The following EML5 variants were observed in gnomAD, a reference collection of about 807,000 sequenced individuals.
EML5 encodes EMAP like 5.
Under a neutral mutation model 250.0 loss-of-function variants are expected in EML5, and 120 were observed. The observed-to-expected ratio is 0.48, with a 90% confidence interval of 0.41 to 0.56. The LOEUF is 0.56. Ranked by LOEUF, EML5 falls within the 20% of genes least tolerant of loss-of-function variation. EML5 has a pLI of 0.00. For synonymous variants in EML5, 771 were observed against 806.5 expected (o/e 0.96, Z 0.75); for missense variants, 2,006 against 2,437.6 (o/e 0.82, Z 3.73).
At position 88,685,026 on chromosome 14, in the gene EML5, G is replaced by T. The variant is rs770853435; in HGVS notation, c.2971C>A (p.Leu991Ile). ...GCATTTAAAATTACCTGAACCAGAA[G>T]TGTTATTGGGCCACTTTTATCCACT... ...LEVDKSGPIT[L>I]LVQGHMEGEV... Residue 991 changes from leucine (L) to isoleucine (I), a missense_variant, in exon 20 of 44, where the codon CTT becomes ATT. By Grantham distance (5) the Leu-to-Ile change is conservative. Coordinates refer to ENST00000554922, the MANE Select transcript of EML5 (RefSeq NM_183387.3). 6 of 1,601,874 alleles carry T rather than the reference G, an allele frequency of 3.7e-6. No individual in the cohort carries two copies. The highest frequency in any genetic ancestry group is 5.1e-6 in the Non-Finnish European group (6 of 1,174,718).
At chr14:88,678,885 A>G (rs907312936) in intron 21 of EML5, among the ~76,000 whole-genome samples, 1 of 152,174 alleles carries the variant, frequency 6.6e-6, no homozygotes, top group African/African-American at 2.4e-5. Context: ...AAAACAACAG[A>G]AACCCATTCT....
rs558420382 is a variant in EML5, at chr14:88,660,097, G to A, written c.3675+1557C>T. On this transcript the variant is annotated intron_variant, in intron 25 of 43. Coordinates refer to ENST00000554922, the MANE Select transcript of EML5 (RefSeq NM_183387.3). ...TTGAGACCAGCATAGGCAACATCTG[G>A]AGACCCCATCTCTACAAAAAAAAAT... Among the ~76,000 whole-genome samples, 394 of 151,714 alleles carry A rather than the reference G, an allele frequency of 2.6e-3. 1 individual carries two copies. The highest frequency in any genetic ancestry group is 4.3e-3 in the Non-Finnish European group (290 of 67,894).
chr14:88,649,995 T>C, intron 27 of EML5, 69 bp from the exon 28 acceptor site: 2 of 1,162,212 alleles, frequency 1.7e-6, no homozygotes, highest in South Asian at 4.5e-5. Context: ...GAATACAGCA[T>C]TTTAGCAAAC....
intron 27 of EML5, among the ~76,000 whole-genome samples, chr14:88,650,987 T>A (rs2140805000): frequency 6.6e-6 from 1 of 152,226 alleles, no homozygotes; most frequent in African/African-American, 2.4e-5. Flanking sequence ...GACAGTAATA[T>A]ATGTTACTAA....
At chr14:88,711,353 A>C (rs2093403423) in intron 10 of EML5, among the ~76,000 whole-genome samples, 1 of 147,984 alleles carries the variant, frequency 6.8e-6, no homozygotes, top group African/African-American at 2.6e-5. Context: ...TTCTCACGAG[A>C]TCTGATGGTT....
chr14:88,674,205 G>A (rs1169831585), intron 21 of EML5, among the ~76,000 whole-genome samples: 1 of 152,170 alleles, frequency 6.6e-6, no homozygotes, highest in Admixed American at 6.5e-5. Flanking sequence ...GGAGGTGGAG[G>A]TTGCAGTGAG....
In EML5 at chr14:88,661,680, C is replaced by A. The variant is rs778034101; in HGVS notation, c.3649G>T (p.Val1217Leu). ...VLATGDDLGF[V>L]KLFRYPTKGK... is the part of the protein sequence containing the mutation. ...TTAGTAGGATATCTAAATAACTTCA[C>A]AAATCCCAAATCGTCCCCGGTAGCT... Residue 1217 changes from valine to leucine, a missense_variant, in exon 25 of 44, where the codon GTG (valine) becomes TTG (leucine). By Grantham distance (32) the Val-to-Leu change is conservative. Coordinates refer to ENST00000554922, the MANE Select transcript of EML5 (RefSeq NM_183387.3). The A allele has an allele frequency of 2.5e-6, 4 of 1,612,916 alleles. No homozygotes were observed. Among genetic ancestry groups the A allele is most frequent in the Non-Finnish European group, 3.4e-6 (4 of 1,179,562 alleles).
Position 88,644,419 on chromosome 14 carries a change from T to C in EML5, c.4107+14A>G, listed in dbSNP as rs140304494. 5.7e-4 allele frequency: 917 copies of C among 1,610,972 alleles called. 5 individuals carry two copies. The African/African-American group carries it at 0.011, about 19-fold the overall frequency. On this transcript the variant is annotated intron_variant, in intron 30 of 43. Transcript: ENST00000554922. ...GATACATTTCAGTAACACTGGAGAG[T>C]GAGTTTTCCTTACCTCTATAGGTCT...
chr14:88,736,898 G>C (rs1391593422), intron 6 of EML5, among the ~76,000 whole-genome samples: 1 of 151,736 alleles, frequency 6.6e-6, no homozygotes, highest in Non-Finnish European at 1.5e-5. Flanking sequence ...AAACCCATCA[G>C]CATGCAATCC....
chr14:88,650,415 C>A (rs2140794450), intron 27 of EML5, among the ~76,000 whole-genome samples: 1 of 152,278 alleles, frequency 6.6e-6, no homozygotes, highest in African/African-American at 2.4e-5. Context: ...AATCGTGCCA[C>A]TGCACTCCAG....
chr14:88,679,667 G>C (rs2092676285), intron 21 of EML5, among the ~76,000 whole-genome samples: 1 of 152,032 alleles, frequency 6.6e-6, no homozygotes, highest in Non-Finnish European at 1.5e-5. Flanking sequence ...ACTCCAGCCT[G>C]GGTGATAGAG....
At chr14:88,723,859 T>C (rs1242651535) in intron 8 of EML5, among the ~76,000 whole-genome samples, 3 of 152,164 alleles carry the variant, frequency 2.0e-5, no homozygotes, top group Non-Finnish European at 2.9e-5. Context: ...AAGAAGATAT[T>C]GTGGCTTTAC....
At chr14:88,732,816 CTCTG>C (rs1221944296) in intron 7 of EML5, among the ~76,000 whole-genome samples, 1 of 152,242 alleles carries the variant, frequency 6.6e-6, no homozygotes, top group African/African-American at 2.4e-5. Flanking sequence ...AAGAATTGAT[CTCTG>C]TCTTTCTTTT....
At chr14:88,729,452 A>C (rs1400205164) in intron 7 of EML5, among the ~76,000 whole-genome samples, 2 of 152,314 alleles carry the variant, frequency 1.3e-5, no homozygotes, top group African/African-American at 4.8e-5. Context: ...TAAATGGTTG[A>C]AAAAAATGTT....
chr14:88,650,860 C>T (rs956207377), intron 27 of EML5, among the ~76,000 whole-genome samples: 1 of 152,040 alleles, frequency 6.6e-6, no homozygotes, highest in African/African-American at 2.4e-5. Flanking sequence ...CAGGCTGGTG[C>T]TAAACACCTA....
chr14:88,654,960 T>A, intron 27 of EML5, among the ~76,000 whole-genome samples: 1 of 152,152 alleles, frequency 6.6e-6, no homozygotes, highest in East Asian at 1.9e-4. Context: ...TGGGTGCTCC[T>A]GTATTGGGTG....
At chr14:88,791,470 T>A (rs988889124) in intron 1 of EML5, among the ~76,000 whole-genome samples, 15 of 152,202 alleles carry the variant, frequency 9.9e-5, no homozygotes, top group Non-Finnish European at 1.9e-4. Context: ...GACTTTACCA[T>A]AAAAGTTGTA....
intron 42 of EML5, chr14:88,616,451 T>C: frequency 3.3e-6 from 2 of 612,188 alleles, no homozygotes; most frequent in Non-Finnish European, 5.6e-6. Context: ...ACTCTGACCA[T>C]TTTTCTCTAA....
intron 1 of EML5, among the ~76,000 whole-genome samples, chr14:88,760,598 G>C (rs2094225881): frequency 6.6e-6 from 1 of 152,048 alleles, no homozygotes; most frequent in Admixed American, 6.5e-5. Context: ...TGAATACTGT[G>C]AGTCCTCTAC....
Sources: allele counts gnomAD v4.1 joint callset (sites outside exome capture counted in the v4.1 genomes callset), GRCh38; gene constraint gnomAD v4.1.1; transcripts MANE v1.5; gene names NCBI Gene and HGNC (gene_info 2026-07-23, HGNC 2026-07-21).